The following GPBP1L1 variants were observed in gnomAD, a reference collection of about 807,000 sequenced individuals.
GPBP1L1 encodes vasculin-like protein 1.
In GPBP1L1, 23 loss-of-function variants were observed where a neutral mutation model predicts 52.5. The observed-to-expected ratio is 0.44, with a 90% CI of 0.32 to 0.62. The LOEUF (loss-of-function observed/expected upper bound fraction) is 0.62. GPBP1L1 is among the 20% of genes least tolerant of loss of function. The probability of loss-of-function intolerance (pLI) is 0.06; values close to 1 mark genes in which losing one functional copy is unlikely to be tolerated. For missense variants in GPBP1L1, 596 were observed against 579.3 expected (o/e 1.03, Z -0.30); for synonymous variants, 243 against 203.1 (o/e 1.20, Z -1.67).
intron 11 of GPBP1L1, 132 bp downstream of exon 11, chr1:45,630,348 TAC>T (rs1460448180): frequency 7.8e-6 from 8 of 1,021,354 alleles, no homozygotes; most frequent in Non-Finnish European, 1.1e-5. Flanking sequence ...ACCTGGGGCA[TAC>T]ACAGAGAACA....
At chr1:45,628,458 G>C in intron 12 of GPBP1L1, 50 bp from the exon 13 acceptor site, 2 of 1,567,690 alleles carry the variant, frequency 1.3e-6, no homozygotes, top group South Asian at 2.3e-5. Flanking sequence ...ATCAATGACT[G>C]TACTGACCCA....
In GPBP1L1 at chr1:45,631,814, GGAGGCT is replaced by G. The variant is rs111959998; in HGVS notation, c.1045-1214_1045-1209del. On this transcript the variant is annotated intron_variant, in intron 10 of 12. Coordinates refer to ENST00000355105, the MANE Select transcript of GPBP1L1 (RefSeq NM_021639.5). Reference sequence around the variant, plus strand: ...ACAAGCCTATAGTCCCAGCTACTCGGGAGGCTGAGGCTGAGGCATAGCTTGAGGAGG... The same window carrying G: ...ACAAGCCTATAGTCCCAGCTACTCGGGAGGCTGAGGCATAGCTTGAGGAGG... Among the ~76,000 whole-genome samples, 8 of 152,248 alleles carry G rather than the reference GGAGGCT, an allele frequency of 5.3e-5. No homozygotes were observed. In the East Asian group the frequency reaches 1.2e-3, roughly 22 times the overall value.
At chr1:45,683,694 G>C (rs1234041726) in intron 2 of GPBP1L1, among the ~76,000 whole-genome samples, 2 of 146,154 alleles carry the variant, frequency 1.4e-5, no homozygotes, top group African/African-American at 5.1e-5. Flanking sequence ...TTGAGTCCCT[G>C]AGTTCGAGAC....
chr1:45,642,411 G>A lies in GPBP1L1; in HGVS notation c.550+16C>T. On this transcript the variant is annotated intron_variant, in intron 7 of 12. Transcript: ENST00000355105. Reference sequence around the variant, plus strand: ...AATTTTAAAGTTGTGCCTTTAAAATGGCAAAATCTACCTACCCCATACTCC... The same window carrying A: ...AATTTTAAAGTTGTGCCTTTAAAATAGCAAAATCTACCTACCCCATACTCC... 5 of 1,596,478 alleles carry A rather than the reference G, an allele frequency of 3.1e-6. No individual in the cohort carries two copies. The highest frequency in any genetic ancestry group is 4.3e-6 in the Non-Finnish European group (5 of 1,166,700).
chr1:45,679,748 A>C (rs950729242), intron 2 of GPBP1L1, among the ~76,000 whole-genome samples: 8 of 152,118 alleles, frequency 5.3e-5, no homozygotes, highest in Admixed American at 4.6e-4. Flanking sequence ...TGTTCCAAAA[A>C]AATTTCCTAA....
At position 45,628,121 on chromosome 1, in the gene GPBP1L1, T is replaced by C; in HGVS notation, c.*135A>G. ...AAAGCAAAACAAGCCAATTGCTCTC[T>C]CTTTGGGATATGATTATTTCCCTTG... On this transcript the variant is annotated 3_prime_UTR_variant, in exon 13 of 13. Coordinates refer to ENST00000355105, the MANE Select transcript of GPBP1L1 (RefSeq NM_021639.5). 3 of 876,862 alleles carry C rather than the reference T, an allele frequency of 3.4e-6. No homozygotes were observed. The highest frequency in any genetic ancestry group is 5.3e-6 in the Non-Finnish European group (3 of 562,314). The allele number at this position is 876,862 out of a possible 1,614,324, so 54.3% of individuals were successfully genotyped here. A position where few individuals can be genotyped will look rare whatever the true frequency, so the allele number is the denominator to read the frequency against.
At chr1:45,667,544 T>C (rs957029303) in intron 2 of GPBP1L1, among the ~76,000 whole-genome samples, 2 of 152,192 alleles carry the variant, frequency 1.3e-5, no homozygotes, top group Non-Finnish European at 2.9e-5. Context: ...AGGCTCCTTT[T>C]ACCTAGATAC....
chr1:45,664,019 C>T (rs1644978346), intron 2 of GPBP1L1, among the ~76,000 whole-genome samples: 1 of 151,792 alleles, frequency 6.6e-6, no homozygotes, highest in African/African-American at 2.4e-5. Context: ...GTGAAAGCCA[C>T]CATGCTGAGC....
chr1:45,631,161 C>T (rs1301192994), intron 10 of GPBP1L1, among the ~76,000 whole-genome samples: 1 of 151,646 alleles, frequency 6.6e-6, no homozygotes, highest in East Asian at 1.9e-4. Flanking sequence ...GGGTCACAGA[C>T]CTAAATGTAA....
At chr1:45,629,456 C>CCCA in intron 12 of GPBP1L1, 120 bp downstream of exon 12, 3 of 88,168 alleles carry the variant, frequency 3.4e-5, no homozygotes, top group Non-Finnish European at 5.1e-5. Flanking sequence ...TAAGGTAATC[C>CCCA]CCCCCCCCCC....
intron 2 of GPBP1L1, among the ~76,000 whole-genome samples, chr1:45,667,361 C>T (rs1044959045): frequency 6.6e-6 from 1 of 152,182 alleles, no homozygotes; most frequent in African/African-American, 2.4e-5. Context: ...CATTCATAAA[C>T]ATCTGTCAAA....
chr1:45,641,033 CA>C (rs373882218), intron 7 of GPBP1L1, among the ~76,000 whole-genome samples: 1 of 149,526 alleles, frequency 6.7e-6, no homozygotes, highest in African/African-American at 2.5e-5. Flanking sequence ...AAAAACAAAA[CA>C]AAAAAAAACA....
chr1:45,655,318 G>A lies in GPBP1L1; in HGVS notation c.62C>T (p.Ser21Leu), dbSNP rs774877797. 20 of 1,614,010 alleles carry A rather than the reference G, an allele frequency of 1.2e-5. No individual in the cohort carries two copies. Among genetic ancestry groups the A allele is most frequent in the Non-Finnish European group, 1.6e-5 (19 of 1,179,898 alleles). Residue 21 changes from serine (S) to leucine (L), a missense_variant and splice_region_variant, in exon 5 of 13, where the codon TCA becomes TTA. Transcript: ENST00000355105. ...LNFSTPQSAK[S>L]PTATFEKHGE... ...GTGTTTTTCGAAGGTGGCAGTAGGT[G>A]ACTAAGATGATGAAGTATGGAGAGG... is the stretch of plus-strand genomic sequence containing the variant.
intron 2 of GPBP1L1, among the ~76,000 whole-genome samples, chr1:45,673,637 G>A (rs997546833): frequency 3.3e-5 from 5 of 152,140 alleles, no homozygotes; most frequent in Non-Finnish European, 7.3e-5. Flanking sequence ...CAATGCAGGC[G>A]GATCACAAGG....
chr1:45,642,289 TAC>T (rs1644684416), intron 7 of GPBP1L1, 136 bp downstream of exon 7: 2 of 656,902 alleles, frequency 3.0e-6, no homozygotes, highest in Non-Finnish European at 5.4e-6. Flanking sequence ...AATAACCCGC[TAC>T]AGTCAGATGT....
rs1644943931 is a variant in GPBP1L1, at chr1:45,661,243, A to G, written c.-1097-18T>C. 1 of 152,198 alleles carries G rather than the reference A, an allele frequency of 6.6e-6. No individual in the cohort carries two copies. Among genetic ancestry groups the G allele is most frequent in the Non-Finnish European group, 1.5e-5 (1 of 68,042 alleles). The allele number at this position is 152,198 out of a possible 1,614,324, so 9.4% of individuals were successfully genotyped here. A position where few individuals can be genotyped will look rare whatever the true frequency, so the allele number is the denominator to read the frequency against. ...CTATCACTCTGTAAATGAAAAAACA[A>G]AACATAAAATCACAGAAGGCAAAAT... On this transcript the variant is annotated intron_variant, in intron 2 of 12. Transcript: ENST00000355105.
At chr1:45,665,569 T>C (rs1403682402) in intron 2 of GPBP1L1, among the ~76,000 whole-genome samples, 1 of 151,694 alleles carries the variant, frequency 6.6e-6, no homozygotes, top group African/African-American at 2.4e-5. Context: ...GGTGAAACCC[T>C]GTCTCTGCTA....
At chr1:45,657,475 G>A (rs1266781809) in intron 4 of GPBP1L1, among the ~76,000 whole-genome samples, 1 of 152,162 alleles carries the variant, frequency 6.6e-6, no homozygotes, top group East Asian at 1.9e-4. Context: ...AGTCAAGGCT[G>A]CAGTAAGCCA....
Position 45,655,290 on chromosome 1 carries a change from T to TC in GPBP1L1, c.89dup (p.Glu31ArgfsTer9), listed in dbSNP as rs1644871594. On this transcript the variant is annotated frameshift_variant, in exon 5 of 13. Transcript: ENST00000355105. LOFTEE classifies it high-confidence loss of function. ...TACCTTCTCCTCTGGGTAGGTGCTC[T>TC]CCGTGTTTTTCGAAGGTGGCAGTAG... 4.3e-6 allele frequency: 7 copies of TC among 1,614,134 alleles called. No homozygotes were observed. Among genetic ancestry groups the TC allele is most frequent in the African/African-American group, 1.3e-5 (1 of 75,060 alleles).
Sources: allele counts gnomAD v4.1 joint callset (sites outside exome capture counted in the v4.1 genomes callset), GRCh38; gene constraint gnomAD v4.1.1; transcripts MANE v1.5; gene names NCBI Gene and HGNC (gene_info 2026-07-23, HGNC 2026-07-21).